RBMS3: variants seen among roughly 807,000 people sequenced by gnomAD.
RBMS3 encodes the protein RNA binding motif single stranded interacting protein 3.
A neutral mutation model predicts 66.8 loss-of-function variants in RBMS3; 27 were observed. That is an observed-to-expected ratio of 0.40 (90% confidence interval 0.30 to 0.56). The LOEUF (loss-of-function observed/expected upper bound fraction) is 0.56. Among genes scored for constraint, RBMS3 ranks in the 20% least tolerant of loss-of-function variants. The pLI is 0.40. For missense variants in RBMS3, 513 were observed against 549.5 expected (o/e 0.93, Z 0.66); for synonymous variants, 188 against 183.0 (o/e 1.03, Z -0.22).
intron 1 of RBMS3, among the ~76,000 whole-genome samples, chr3:29,428,051 G>T (rs763806496): frequency 8.5e-5 from 13 of 152,328 alleles, no homozygotes; most frequent in Non-Finnish European, 1.6e-4. Context: ...TATGTTGGAG[G>T]GGGTGAATGC....
chr3:29,875,755 CTA>C (rs1194686130), intron 7 of RBMS3, among the ~76,000 whole-genome samples: 1 of 151,998 alleles, frequency 6.6e-6, no homozygotes, highest in East Asian at 1.9e-4. Context: ...CTTTAGATAG[CTA>C]TATTATATTA....
At chr3:29,474,468 A>G (rs2042876850) in intron 2 of RBMS3, among the ~76,000 whole-genome samples, 1 of 152,246 alleles carries the variant, frequency 6.6e-6, no homozygotes. Flanking sequence ...TCTGATGTGG[A>G]TGTAGCAGAA....
At chr3:29,903,885 G>T (rs967946643) in intron 10 of RBMS3, among the ~76,000 whole-genome samples, 1 of 151,802 alleles carries the variant, frequency 6.6e-6, no homozygotes, top group Non-Finnish European at 1.5e-5. Flanking sequence ...AATTATAATC[G>T]TTATGATTAA....
chr3:29,507,050 T>C (rs1309067200), intron 3 of RBMS3, among the ~76,000 whole-genome samples: 1 of 147,850 alleles, frequency 6.8e-6, no homozygotes, highest in African/African-American at 2.7e-5. Flanking sequence ...ACCTTTTCTA[T>C]TGTTTTTCTA....
chr3:29,706,469 A>G (rs2052898503), intron 4 of RBMS3, among the ~76,000 whole-genome samples: 1 of 152,196 alleles, frequency 6.6e-6, no homozygotes, highest in Non-Finnish European at 1.5e-5. Context: ...TTTATTTCAC[A>G]GACGGCACTG....
At chr3:29,772,818 A>AG (rs2056267909) in intron 6 of RBMS3, among the ~76,000 whole-genome samples, 1 of 152,062 alleles carries the variant, frequency 6.6e-6, no homozygotes, top group Admixed American at 6.6e-5. Context: ...TAGAAAAAAA[A>AG]ATCTTGTTAG....
intron 3 of RBMS3, among the ~76,000 whole-genome samples, chr3:29,580,926 C>T (rs761287458): frequency 1.3e-5 from 2 of 152,142 alleles, no homozygotes; most frequent in African/African-American, 2.4e-5. Context: ...GTGTCTGAGG[C>T]TGCAACCCTC....
intron 1 of RBMS3, among the ~76,000 whole-genome samples, chr3:29,348,818 A>G (rs990737437): frequency 6.6e-6 from 1 of 152,178 alleles, no homozygotes; most frequent in Non-Finnish European, 1.5e-5. Flanking sequence ...GCTCCCATTC[A>G]ATAATCCATC....
chr3:29,804,958 GC>G (rs2057500612), intron 6 of RBMS3, among the ~76,000 whole-genome samples: 1 of 138,134 alleles, frequency 7.2e-6, no homozygotes, highest in Admixed American at 7.2e-5. Context: ...TGTGTGTGTG[GC>G]AAAATTCTGT....
intron 1 of RBMS3, among the ~76,000 whole-genome samples, chr3:29,316,989 T>C (rs1490771716): frequency 6.6e-6 from 1 of 151,776 alleles, no homozygotes; most frequent in Non-Finnish European, 1.5e-5. Flanking sequence ...TGATGCCCAA[T>C]TTGTATGTAG....
chr3:29,754,515 T>A (rs1222280076), intron 5 of RBMS3, among the ~76,000 whole-genome samples: 1 of 152,166 alleles, frequency 6.6e-6, no homozygotes, highest in African/African-American at 2.4e-5. Context: ...CTGACTCCAG[T>A]GAGGTCAGAT....
intron 4 of RBMS3, among the ~76,000 whole-genome samples, chr3:29,726,029 C>T (rs2053856247): frequency 6.6e-6 from 1 of 152,158 alleles, no homozygotes; most frequent in African/African-American, 2.4e-5. Context: ...TTGGCTTCAT[C>T]CCAGGGATGC....
At chr3:29,993,834 G>T (rs1263958756) in intron 14 of RBMS3, among the ~76,000 whole-genome samples, 1 of 152,178 alleles carries the variant, frequency 6.6e-6, no homozygotes, top group South Asian at 2.1e-4. Context: ...CAGTCTGCCA[G>T]CTGCAGATCA....
chr3:29,716,661 A>G (rs1226609376), intron 4 of RBMS3, among the ~76,000 whole-genome samples: 1 of 152,150 alleles, frequency 6.6e-6, no homozygotes, highest in African/African-American at 2.4e-5. Flanking sequence ...AGTAAAACGA[A>G]ACCTTCCCCT....
At chr3:29,800,709 CT>C (rs2057360977) in intron 6 of RBMS3, among the ~76,000 whole-genome samples, 1 of 152,006 alleles carries the variant, frequency 6.6e-6, no homozygotes, top group Admixed American at 6.5e-5. Context: ...CAATAGTGCA[CT>C]TTTTTTGGAA....
intron 6 of RBMS3, among the ~76,000 whole-genome samples, chr3:29,776,913 G>C (rs2056446943): frequency 6.6e-6 from 1 of 151,894 alleles, no homozygotes. Flanking sequence ...TAATTGGAAA[G>C]AGTATAGCAT....
intron 7 of RBMS3, among the ~76,000 whole-genome samples, chr3:29,881,629 A>T (rs1264715798): frequency 6.6e-6 from 1 of 152,152 alleles, no homozygotes; most frequent in East Asian, 1.9e-4. Flanking sequence ...GTTTAAGATG[A>T]AGAAGGAGGT....
intron 2 of RBMS3, among the ~76,000 whole-genome samples, chr3:29,457,760 CAATT>C (rs962943119): frequency 1.3e-5 from 2 of 151,546 alleles, no homozygotes; most frequent in African/African-American, 4.8e-5. Flanking sequence ...GTTATAAAGA[CAATT>C]AAATACAGGT....
intron 1 of RBMS3, among the ~76,000 whole-genome samples, chr3:29,396,100 A>T (rs2039535452): frequency 6.6e-6 from 1 of 152,134 alleles, no homozygotes; most frequent in Non-Finnish European, 1.5e-5. Context: ...GCGCAGGTGG[A>T]TATCATGTGC....
Sources: gnomAD v4.1 joint callset for allele counts (sites outside exome capture counted in the v4.1 genomes callset) on GRCh38, gnomAD v4.1.1 for gene constraint, MANE v1.5 for transcripts, NCBI Gene and HGNC (gene_info 2026-07-23, HGNC 2026-07-21) for gene names.